The following PRKCQ variants were observed in gnomAD, a reference collection of about 807,000 sequenced individuals.
PRKCQ encodes protein kinase C theta.
Under a neutral mutation model 91.2 loss-of-function variants are expected in PRKCQ, and 41 were observed. The observed-to-expected ratio is 0.45, with a 90% CI of 0.35 to 0.58. PRKCQ has a LOEUF of 0.58. Among genes scored for constraint, PRKCQ ranks in the 20% least tolerant of loss-of-function variants. The probability of loss-of-function intolerance (pLI) is 0.00; values close to 1 mark genes in which losing one functional copy is unlikely to be tolerated. For missense variants in PRKCQ, 673 were observed against 896.5 expected (o/e 0.75, Z 3.18); for synonymous variants, 307 against 316.9 (o/e 0.97, Z 0.33).
chr10:6,561,303 T>A (rs12761245), intron 1 of PRKCQ, among the ~76,000 whole-genome samples: 67 of 127,744 alleles, frequency 5.2e-4, no homozygotes, highest in Middle Eastern at 0.012. Flanking sequence ...GCCTGGGAGG[T>A]GCAGCCTACA....
At chr10:6,547,994 G>GCTA (rs1203002688) in intron 1 of PRKCQ, among the ~76,000 whole-genome samples, 18 of 150,710 alleles carry the variant, frequency 1.2e-4, no homozygotes, top group African/African-American at 4.1e-4. Context: ...CTGACAAAGG[G>GCTA]CTAATATCCA....
intron 15 of PRKCQ, among the ~76,000 whole-genome samples, chr10:6,454,318 A>G (rs1363334748): frequency 6.6e-6 from 1 of 152,148 alleles, no homozygotes; most frequent in Non-Finnish European, 1.5e-5. Flanking sequence ...GAAGGGTGTC[A>G]CCAAGAGCCA....
At chr10:6,401,623 C>T in the PRKCQ span, among the ~76,000 whole-genome samples, 1 of 152,118 alleles carries the variant, frequency 6.6e-6, no homozygotes, top group African/African-American at 2.4e-5. Context: ...TTCTGAGCGC[C>T]AGCCACTTGG....
rs569872571 is a variant in PRKCQ, at chr10:6,454,590, GATGGATGAC to G, written c.1647+2075_1647+2083del. ...TCCTAGTTTTCTCTCTAGAAGACTG[GATGGATGAC>G]ATGTAATTCACCAAGAAAGAAAAGG... On this transcript the variant is annotated intron_variant, in intron 15 of 17. Coordinates refer to ENST00000263125, the MANE Select transcript of PRKCQ (RefSeq NM_006257.5). 8.1e-4 allele frequency among the ~76,000 whole-genome samples: 123 copies of G among 152,260 alleles called. 1 individual carries two copies. Among genetic ancestry groups the G allele is most frequent in the African/African-American group, 2.9e-3 (122 of 41,552 alleles).
chr10:6,450,381 T>C (rs1015299384), intron 15 of PRKCQ, among the ~76,000 whole-genome samples: 27 of 151,954 alleles, frequency 1.8e-4, no homozygotes, highest in African/African-American at 6.5e-4. Context: ...AAGAGCTAAC[T>C]ATCCTAAATA....
intron 12 of PRKCQ, among the ~76,000 whole-genome samples, chr10:6,472,181 G>C (rs971351271): frequency 6.6e-6 from 1 of 152,140 alleles, no homozygotes; most frequent in African/African-American, 2.4e-5. Context: ...GGTGGTGGGC[G>C]CCTGTAGTCC....
intron 1 of PRKCQ, among the ~76,000 whole-genome samples, chr10:6,555,543 G>T (rs1840377420): frequency 6.6e-6 from 1 of 152,230 alleles, no homozygotes; most frequent in South Asian, 2.1e-4. Context: ...GACATTCATT[G>T]TTGTGTATGC....
rs1467291997 is a variant in PRKCQ at position 6,430,538 on chromosome 10, A to G, written c.1965+272T>C. Among the ~76,000 whole-genome samples, 1 of 152,202 alleles carries G rather than the reference A, an allele frequency of 6.6e-6. No homozygotes were observed. Among genetic ancestry groups the G allele is most frequent in the African/African-American group, 2.4e-5 (1 of 41,444 alleles). On this transcript the variant is annotated intron_variant, in intron 17 of 17. Coordinates refer to ENST00000263125, the MANE Select transcript of PRKCQ (RefSeq NM_006257.5). This position sits in a 1 kb window ranked among gnomAD's most constrained non-coding sequence, Gnocchi z 4.7. ...TTAATAGTCACCCTCACAAATTCAT[A>G]TTCAACCTAAGGCGTGGACACACAG...
intron 8 of PRKCQ, among the ~76,000 whole-genome samples, chr10:6,488,890 T>C (rs913426681): frequency 1.3e-5 from 2 of 151,904 alleles, no homozygotes; most frequent in Non-Finnish European, 1.5e-5. Flanking sequence ...AGCCATCCTC[T>C]TGCCTCAGCC....
chr10:6,497,281 A>G lies in PRKCQ; in HGVS notation c.543-30T>C. ...AATAAAGCACACGCTGATTTATTTC[A>G]ATGTTGGCATCAACATCAGCACCAA... On this transcript the variant is annotated intron_variant, in intron 5 of 17. Transcript: ENST00000263125. The surrounding 1 kb of genome is among the most constrained non-coding windows in gnomAD (Gnocchi z 4.5). 3 of 1,613,984 alleles carry G rather than the reference A, an allele frequency of 1.9e-6. No homozygotes were observed. The highest frequency in any genetic ancestry group is 2.5e-6 in the Non-Finnish European group (3 of 1,179,964).
chr10:6,427,400 C>T lies in PRKCQ; in HGVS notation c.*807G>A, dbSNP rs1406027895. On this transcript the variant is annotated 3_prime_UTR_variant, in exon 18 of 18. Transcript: ENST00000263125. ...AGGTTCTTTTCCCAGGAGACTTATG[C>T]ACTTCATTTCTTTTCTTGTTATAGT... The T allele has an allele frequency of 6.6e-6, 1 of 152,056 alleles. No homozygotes were observed. Among genetic ancestry groups the T allele is most frequent in the Non-Finnish European group, 1.5e-5 (1 of 67,958 alleles). The allele number at this position is 152,056 out of a possible 1,614,324, so 9.4% of individuals were successfully genotyped here.
intron 2 of PRKCQ, among the ~76,000 whole-genome samples, chr10:6,514,800 C>G (rs1030537607): frequency 1.6e-4 from 25 of 152,140 alleles, no homozygotes; most frequent in Admixed American, 9.8e-4. Flanking sequence ...TGATACAGTG[C>G]AATAGAGCAC....
At chr10:6,449,247 T>A (rs1316812978) in intron 15 of PRKCQ, among the ~76,000 whole-genome samples, 1 of 148,472 alleles carries the variant, frequency 6.7e-6, no homozygotes, top group Non-Finnish European at 1.5e-5. Context: ...AAGGAGCTGA[T>A]GGAGCTGAAA....
chr10:6,504,276 T>C (rs1438951560), intron 4 of PRKCQ, among the ~76,000 whole-genome samples: 1 of 152,202 alleles, frequency 6.6e-6, no homozygotes, highest in Non-Finnish European at 1.5e-5. Context: ...TGTAGACCAA[T>C]ACTGTGTAAT....
At chr10:6,526,557 C>T (rs749932165) in intron 1 of PRKCQ, among the ~76,000 whole-genome samples, 1 of 152,038 alleles carries the variant, frequency 6.6e-6, no homozygotes, top group African/African-American at 2.4e-5. Flanking sequence ...AAGACCTGCA[C>T]GAGGAGAGGA....
At chr10:6,436,342 G>A (rs943551245) in intron 16 of PRKCQ, among the ~76,000 whole-genome samples, 3 of 152,112 alleles carry the variant, frequency 2.0e-5, no homozygotes, top group Non-Finnish European at 4.4e-5. Context: ...ATGTTGATAA[G>A]ACAGTACAGA....
chr10:6,486,773 G>A (rs1836945994), intron 8 of PRKCQ, among the ~76,000 whole-genome samples: 2 of 152,204 alleles, frequency 1.3e-5, no homozygotes, highest in South Asian at 4.1e-4. Context: ...TCCAGTCTGG[G>A]TCCAAAACAT....
intron 1 of PRKCQ, among the ~76,000 whole-genome samples, chr10:6,555,848 A>G (rs1303670805): frequency 6.6e-6 from 1 of 152,176 alleles, no homozygotes; most frequent in Middle Eastern, 3.4e-3. Flanking sequence ...CGTCTCTACT[A>G]AAAAAACAAA....
chr10:6,572,063 T>A (rs1841066314), intron 1 of PRKCQ, among the ~76,000 whole-genome samples: 1 of 152,118 alleles, frequency 6.6e-6, no homozygotes, highest in African/African-American at 2.4e-5. Flanking sequence ...ACCCAACATA[T>A]GGGGCTTTCT....
Sources: gnomAD v4.1 joint callset for allele counts (sites outside exome capture counted in the v4.1 genomes callset) on GRCh38, gnomAD v4.1.1 for gene constraint, Gnocchi (gnomAD v3.1) non-coding constraint, MANE v1.5 for transcripts, NCBI Gene and HGNC (gene_info 2026-07-23, HGNC 2026-07-21) for gene names.